The following CATSPERT variants were observed in gnomAD, a reference collection of about 807,000 sequenced individuals.
The protein encoded by CATSPERT is cation channel sperm-associated targeting subunit tau.
chr2:201,490,482 G>A, the CATSPERT span, among the ~76,000 whole-genome samples: 1 of 152,150 alleles, frequency 6.6e-6, no homozygotes, highest in Non-Finnish European at 1.5e-5. Context: ...ATTTTAGTCA[G>A]GGCTAAAATC....
At chr2:201,606,332 C>T in the CATSPERT span, among the ~76,000 whole-genome samples, 1 of 152,102 alleles carries the variant, frequency 6.6e-6, no homozygotes, top group Admixed American at 6.5e-5. Flanking sequence ...ATAAGACTGG[C>T]ATCATATTTC....
the CATSPERT span, among the ~76,000 whole-genome samples, chr2:201,500,974 G>A: frequency 6.6e-6 from 1 of 152,070 alleles, no homozygotes; most frequent in Non-Finnish European, 1.5e-5. Context: ...ATGGGTCACA[G>A]AAGAAATTAC....
chr2:201,520,948 A>G, the CATSPERT span, among the ~76,000 whole-genome samples: 1 of 152,062 alleles, frequency 6.6e-6, no homozygotes, highest in Non-Finnish European at 1.5e-5. Context: ...TAAAAAAAAA[A>G]TCATTAGAGA....
chr2:201,575,535 G>A, the CATSPERT span, among the ~76,000 whole-genome samples: 4 of 151,984 alleles, frequency 2.6e-5, no homozygotes, highest in Non-Finnish European at 5.9e-5. Context: ...TCACATTACC[G>A]CCTGAGCTTC....
the CATSPERT span, among the ~76,000 whole-genome samples, chr2:201,570,513 T>C: frequency 1.3e-5 from 2 of 152,214 alleles, no homozygotes; most frequent in African/African-American, 4.8e-5. Flanking sequence ...CTAAGTACTT[T>C]ACATGTAACT....
the CATSPERT span, among the ~76,000 whole-genome samples, chr2:201,578,288 A>T: frequency 6.6e-6 from 1 of 152,132 alleles, no homozygotes; most frequent in Non-Finnish European, 1.5e-5. Flanking sequence ...TATTTTTATT[A>T]TAATAAAACA....
chr2:201,603,352 C>T, the CATSPERT span: 1 of 1,276,578 alleles, frequency 7.8e-7, no homozygotes, highest in Non-Finnish European at 1.1e-6. Context: ...ACACTGAGCT[C>T]TATTTTTAAA....
At chr2:201,598,232 C>T in the CATSPERT span, among the ~76,000 whole-genome samples, 1 of 152,116 alleles carries the variant, frequency 6.6e-6, no homozygotes, top group Non-Finnish European at 1.5e-5. Context: ...TCCAGAGTAG[C>T]TGGCACTACA....
chr2:201,575,397 G>C, the CATSPERT span: 24 of 1,273,168 alleles, frequency 1.9e-5, no homozygotes, highest in Admixed American at 6.1e-4. Flanking sequence ...CGAAACCAAG[G>C]GTCCCCAACC....
At chr2:201,608,375 C>G in the CATSPERT span, among the ~76,000 whole-genome samples, 2 of 152,028 alleles carry the variant, frequency 1.3e-5, no homozygotes, top group African/African-American at 4.8e-5. Context: ...TGTGTATACA[C>G]TTTTTTTTAA....
the CATSPERT span, chr2:201,545,530 A>G: frequency 6.9e-7 from 1 of 1,443,720 alleles, no homozygotes. Flanking sequence ...AAAAAATCAA[A>G]GTAGTTTCTT....
At chr2:201,561,351 C>T in the CATSPERT span, among the ~76,000 whole-genome samples, 7 of 152,088 alleles carry the variant, frequency 4.6e-5, no homozygotes, top group African/African-American at 1.2e-4. Flanking sequence ...ACATATACGA[C>T]TTTTTTAAAA....
At chr2:201,582,051 CT>C in the CATSPERT span, 3 of 1,581,724 alleles carry the variant, frequency 1.9e-6, no homozygotes, top group Admixed American at 5.8e-5. Context: ...GGACAACCAA[CT>C]GGCAACGTGA....
At chr2:201,567,064 C>T in the CATSPERT span, among the ~76,000 whole-genome samples, 7 of 152,320 alleles carry the variant, frequency 4.6e-5, no homozygotes, top group African/African-American at 1.4e-4. Context: ...GATTCTTAAA[C>T]TCTATTCTAT....
At chr2:201,521,826 G>T in the CATSPERT span, among the ~76,000 whole-genome samples, 1 of 152,224 alleles carries the variant, frequency 6.6e-6, no homozygotes, top group East Asian at 1.9e-4. Flanking sequence ...ACTCAAGGAT[G>T]GTTCAGCATG....
At chr2:201,560,781 ATCTC>A in the CATSPERT span, among the ~76,000 whole-genome samples, 1 of 150,216 alleles carries the variant, frequency 6.7e-6, no homozygotes, top group Non-Finnish European at 1.5e-5. Context: ...GCCTTGTGAA[ATCTC>A]TCTTTTTTTT....
the CATSPERT span, among the ~76,000 whole-genome samples, chr2:201,490,215 A>G: frequency 1.3e-5 from 2 of 152,250 alleles, no homozygotes; most frequent in East Asian, 1.9e-4. Context: ...TTCTCAGCAC[A>G]TGATATAGCA....
At chr2:201,506,798 CT>C in the CATSPERT span, among the ~76,000 whole-genome samples, 9 of 152,234 alleles carry the variant, frequency 5.9e-5, no homozygotes, top group African/African-American at 9.6e-5. Context: ...CGTGATCCCC[CT>C]GTCCCAGCTT....
chr2:201,583,271 C>T, the CATSPERT span, among the ~76,000 whole-genome samples: 3 of 152,256 alleles, frequency 2.0e-5, no homozygotes, highest in Admixed American at 6.5e-5. Context: ...ACAGAGGGTC[C>T]TTCCCCAACC....
Sources: allele counts gnomAD v4.1 joint callset (sites outside exome capture counted in the v4.1 genomes callset), GRCh38; gene constraint gnomAD v4.1.1; transcripts MANE v1.5; gene names NCBI Gene and HGNC (gene_info 2026-07-23, HGNC 2026-07-21).